The following KCNIP1 variants were observed in gnomAD, a reference collection of about 807,000 sequenced individuals.
KCNIP1 encodes potassium voltage-gated channel interacting protein 1, also known as A-type potassium channel modulatory protein KCNIP1.
KCNIP1 carries 18 observed loss-of-function variants against 33.0 expected under a neutral mutation model. The observed-to-expected ratio is 0.55, with a 90% CI of 0.38 to 0.81. The LOEUF (loss-of-function observed/expected upper bound fraction) is 0.81, where lower values mean the gene tolerates loss of function less well. Among genes scored for constraint, KCNIP1 ranks in the 30% least tolerant of loss-of-function variants. The probability of loss-of-function intolerance (pLI) is 0.00; values close to 1 mark genes in which losing one functional copy is unlikely to be tolerated. For missense variants in KCNIP1, 238 were observed against 271.6 expected (o/e 0.88, Z 0.87); for synonymous variants, 93 against 98.3 (o/e 0.95, Z 0.32).
chr5:170,418,393 C>T (rs922062983), intron 1 of KCNIP1, among the ~76,000 whole-genome samples: 14 of 152,158 alleles, frequency 9.2e-5, no homozygotes, highest in East Asian at 1.9e-4. Flanking sequence ...TGCACCACTG[C>T]GCTCCAGCCT....
chr5:170,615,705 C>G (rs1373374099), intron 1 of KCNIP1, among the ~76,000 whole-genome samples: 1 of 152,212 alleles, frequency 6.6e-6, no homozygotes, highest in East Asian at 1.9e-4. Context: ...TCCTTGCATT[C>G]AGACCTCACC....
At position 170,445,119 on chromosome 5, in the gene KCNIP1, C is replaced by T. The variant is rs982820112; in HGVS notation, c.88+91155C>T. On this transcript the variant is annotated intron_variant, in intron 1 of 7. Transcript: ENST00000377360. ...AAGGGTGATGAACAAGGTACATGTG[C>T]CTGGCCGTCACTGGCCAGCTCTGTC... Among the ~76,000 whole-genome samples the T allele has an allele frequency of 4.6e-5, 7 of 152,226 alleles. No individual in the cohort carries two copies. In the East Asian group the frequency reaches 1.3e-3, roughly 29 times the overall value.
intron 1 of KCNIP1, among the ~76,000 whole-genome samples, chr5:170,587,432 A>G (rs1312466014): frequency 6.6e-6 from 1 of 151,586 alleles, no homozygotes; most frequent in African/African-American, 2.4e-5. Flanking sequence ...AAAAAAAAAA[A>G]AAAAAAAAAA....
In KCNIP1 at chr5:170,722,603, G is replaced by A. The variant is rs1581545840; in HGVS notation, c.328-110G>A. 3.2e-5 allele frequency: 24 copies of A among 759,086 alleles called. No individual in the cohort carries two copies. In the East Asian group the frequency reaches 6.5e-4, roughly 20 times the overall value. 47.0% of individuals were successfully genotyped at this position (759,086 alleles called of 1,614,324 possible). ...GCCACATCCTCCAGGCAGACAAGAGGACGCAGGAGGCACCATTCTGTGAGA... is the reference window on the plus strand; with the variant it reads ...GCCACATCCTCCAGGCAGACAAGAGAACGCAGGAGGCACCATTCTGTGAGA... On this transcript the variant is annotated intron_variant, in intron 4 of 7. Coordinates refer to ENST00000328939, the MANE Select transcript of KCNIP1 (RefSeq NM_014592.4).
chr5:170,564,145 G>A (rs376233515), intron 1 of KCNIP1, among the ~76,000 whole-genome samples: 24 of 152,108 alleles, frequency 1.6e-4, no homozygotes, highest in African/African-American at 5.6e-4. Flanking sequence ...AAATCACTGG[G>A]CCTTCTATTG....
At chr5:170,694,686 G>T (rs772072478) in intron 1 of KCNIP1, among the ~76,000 whole-genome samples, 4 of 152,190 alleles carry the variant, frequency 2.6e-5, no homozygotes, top group Non-Finnish European at 5.9e-5. Context: ...CCACAGAGAG[G>T]TTCTTTTTAA....
intron 1 of KCNIP1, among the ~76,000 whole-genome samples, chr5:170,356,863 G>A (rs776998670): frequency 7.2e-5 from 11 of 152,160 alleles, no homozygotes; most frequent in Non-Finnish European, 1.2e-4. Context: ...TGTCCCACAG[G>A]TGCTCAGCAA....
chr5:170,453,449 C>T (rs1032856), intron 1 of KCNIP1, among the ~76,000 whole-genome samples: 1 of 152,176 alleles, frequency 6.6e-6, no homozygotes, highest in Non-Finnish European at 1.5e-5. Flanking sequence ...CGGGGTACCA[C>T]ATTCCTGGTT....
intron 1 of KCNIP1, among the ~76,000 whole-genome samples, chr5:170,497,759 ACCCCTGCCCCC>A (rs1371324851): frequency 6.6e-6 from 1 of 151,626 alleles, no homozygotes; most frequent in Non-Finnish European, 1.5e-5. Context: ...CTCCCTGACT[ACCCCTGCCCCC>A]GCCTCACCAC....
At chr5:170,396,612 T>C (rs949285229) in intron 1 of KCNIP1, among the ~76,000 whole-genome samples, 4 of 152,222 alleles carry the variant, frequency 2.6e-5, no homozygotes, top group African/African-American at 4.8e-5. Context: ...TCCTGGTGGA[T>C]TCAAAGATTC....
intron 1 of KCNIP1, among the ~76,000 whole-genome samples, chr5:170,716,650 T>C (rs1281713060): frequency 3.3e-5 from 5 of 152,224 alleles, no homozygotes; most frequent in Non-Finnish European, 7.3e-5. Flanking sequence ...CATTTATTAA[T>C]AAAGTCCAGT....
chr5:170,657,700 C>G (rs888095430), intron 1 of KCNIP1, among the ~76,000 whole-genome samples: 1 of 152,302 alleles, frequency 6.6e-6, no homozygotes, highest in Non-Finnish European at 1.5e-5. Flanking sequence ...CAGACTTTGG[C>G]GCTAGTGCAA....
intron 1 of KCNIP1, among the ~76,000 whole-genome samples, chr5:170,360,852 C>T (rs189336203): frequency 5.5e-4 from 84 of 152,330 alleles, no homozygotes; most frequent in Admixed American, 9.8e-4. Context: ...GAATAAATAA[C>T]GACTAAATGC....
chr5:170,605,725 A>G (rs1287172749), intron 1 of KCNIP1, among the ~76,000 whole-genome samples: 1 of 146,104 alleles, frequency 6.8e-6, no homozygotes, highest in Non-Finnish European at 1.5e-5. Flanking sequence ...ACCATGTTTT[A>G]GGGTCTATCT....
At chr5:170,366,900 C>T (rs916187667) in intron 1 of KCNIP1, among the ~76,000 whole-genome samples, 3 of 152,228 alleles carry the variant, frequency 2.0e-5, no homozygotes, top group African/African-American at 4.8e-5. Context: ...CATGGCCTCA[C>T]CTCTGGGGGA....
intron 1 of KCNIP1, among the ~76,000 whole-genome samples, chr5:170,477,823 G>C (rs1199741957): frequency 6.6e-6 from 1 of 152,160 alleles, no homozygotes; most frequent in East Asian, 1.9e-4. Context: ...AAACATTTTT[G>C]AGTGTTGTGC....
intron 5 of KCNIP1, among the ~76,000 whole-genome samples, chr5:170,731,992 G>A (rs1294565147): frequency 6.6e-6 from 1 of 152,020 alleles, no homozygotes; most frequent in East Asian, 1.9e-4. Flanking sequence ...TTGTGCTCTG[G>A]TTATGCAAGT....
intron 1 of KCNIP1, among the ~76,000 whole-genome samples, chr5:170,483,556 C>A (rs1282680289): frequency 6.6e-6 from 1 of 152,126 alleles, no homozygotes; most frequent in African/African-American, 2.4e-5. Context: ...CTGTGTGGGG[C>A]CGCAAGGTTC....
intron 1 of KCNIP1, among the ~76,000 whole-genome samples, chr5:170,628,501 C>T (rs370071685): frequency 5.3e-5 from 8 of 151,944 alleles, no homozygotes; most frequent in South Asian, 2.1e-4. Flanking sequence ...TGTGTGTGTG[C>T]GTTTCTGGCC....
Sources: allele counts gnomAD v4.1 joint callset (sites outside exome capture counted in the v4.1 genomes callset), GRCh38; gene constraint gnomAD v4.1.1; transcripts MANE v1.5; gene names NCBI Gene and HGNC (gene_info 2026-07-23, HGNC 2026-07-21).